Variants in SLC8A1 observed in about 807,000 individuals in gnomAD.
SLC8A1 encodes sodium/calcium exchanger 1.
Under a neutral mutation model 68.3 loss-of-function variants are expected in SLC8A1, and 18 were observed. That is an observed-to-expected ratio of 0.26 (90% confidence interval 0.18 to 0.39). The LOEUF (loss-of-function observed/expected upper bound fraction) is 0.39, where lower values mean the gene tolerates loss of function less well. Among genes scored for constraint, SLC8A1 ranks in the 10% least tolerant of loss-of-function variants. The probability of loss-of-function intolerance (pLI) is 1.00; values close to 1 mark genes in which losing one functional copy is unlikely to be tolerated. For missense variants in SLC8A1, 985 were observed against 1,156.7 expected, an observed-to-expected ratio of 0.85 and a Z score of 2.15; for synonymous variants, 475 against 415.5, an observed-to-expected ratio of 1.14 and a Z score of -1.74.
intron 2 of SLC8A1, among the ~76,000 whole-genome samples, chr2:40,412,767 C>T (rs531706165): frequency 6.1e-4 from 93 of 152,252 alleles, no homozygotes; most frequent in Middle Eastern, 3.4e-3. Context: ...TCATGATAAG[C>T]TCAACTAGGA....
intron 1 of SLC8A1, among the ~76,000 whole-genome samples, chr2:40,431,839 C>G (rs1323638662): frequency 6.6e-6 from 1 of 152,054 alleles, no homozygotes; most frequent in Non-Finnish European, 1.5e-5. Context: ...GCACCAGTGC[C>G]CAGGAGAACA....
At chr2:40,224,238 G>C (rs2058696428) in intron 2 of SLC8A1, among the ~76,000 whole-genome samples, 2 of 152,048 alleles carry the variant, frequency 1.3e-5, no homozygotes, top group African/African-American at 4.8e-5. Context: ...GTCTAGTATG[G>C]GTTGGCATCC....
intron 2 of SLC8A1, among the ~76,000 whole-genome samples, chr2:40,312,960 A>G (rs1224286252): frequency 6.6e-6 from 1 of 152,094 alleles, no homozygotes; most frequent in African/African-American, 2.4e-5. Flanking sequence ...ATACACACAT[A>G]TGTATATGTG....
intron 2 of SLC8A1, among the ~76,000 whole-genome samples, chr2:40,407,442 C>T (rs999313899): frequency 1.3e-5 from 2 of 152,212 alleles, no homozygotes; most frequent in African/African-American, 2.4e-5. Context: ...ACTTCCTTCA[C>T]TTCTTCAAAC....
At chr2:40,217,618 G>A (rs2057696788) in intron 2 of SLC8A1, among the ~76,000 whole-genome samples, 1 of 152,116 alleles carries the variant, frequency 6.6e-6, no homozygotes, top group Non-Finnish European at 1.5e-5. Flanking sequence ...GAGCTCAGAG[G>A]ATTCCTACTT....
chr2:40,485,830 C>G (rs1214446708), intron 1 of SLC8A1, among the ~76,000 whole-genome samples: 4 of 151,896 alleles, frequency 2.6e-5, no homozygotes, highest in Non-Finnish European at 5.9e-5. Context: ...TGGCAGTGCT[C>G]AAAAAATACT....
At chr2:40,277,794 G>GTGTATATA (rs907874659) in intron 2 of SLC8A1, among the ~76,000 whole-genome samples, 61 of 108,012 alleles carry the variant, frequency 5.6e-4, no homozygotes, top group African/African-American at 1.3e-3. Flanking sequence ...ATATATGTGT[G>GTGTATATA]TATATATATA....
At chr2:40,353,000 C>T (rs1187552314) in intron 2 of SLC8A1, among the ~76,000 whole-genome samples, 2 of 152,096 alleles carry the variant, frequency 1.3e-5, no homozygotes, top group Admixed American at 6.6e-5. Context: ...ACACCCCAGC[C>T]TTATTTTTAA....
chr2:40,137,705 C>G (rs1408285233), intron 7 of SLC8A1, among the ~76,000 whole-genome samples: 1 of 152,096 alleles, frequency 6.6e-6, no homozygotes, highest in African/African-American at 2.4e-5. Flanking sequence ...CAATATGGAA[C>G]TGCTGGAACG....
chr2:40,399,958 C>A (rs1177758724), intron 2 of SLC8A1, among the ~76,000 whole-genome samples: 1 of 152,184 alleles, frequency 6.6e-6, no homozygotes. Flanking sequence ...CTGACCTAAT[C>A]GGTTATTTTA....
At position 40,303,043 on chromosome 2, in the gene SLC8A1, T is replaced by C. The variant is rs1473469025; in HGVS notation, c.1809-125188A>G. ...CAATGAGACATTTTCAATTCTTCCT[T>C]TCTTGTAGACTGTAAGCACTAGCAA... is the stretch of plus-strand genomic sequence containing the variant. On this transcript the variant is annotated intron_variant, in intron 2 of 7. Coordinates refer to ENST00000406785, the Ensembl canonical transcript of SLC8A1. 3.9e-5 allele frequency among the ~76,000 whole-genome samples: 6 copies of C among 152,226 alleles called. No homozygotes were observed. The East Asian group carries it at 1.2e-3, about 29-fold the overall frequency.
At chr2:40,486,846 A>G (rs1211090458) in intron 1 of SLC8A1, among the ~76,000 whole-genome samples, 1 of 147,714 alleles carries the variant, frequency 6.8e-6, no homozygotes, top group Non-Finnish European at 1.5e-5. Context: ...TACATTAGGT[A>G]TATCTCCTAA....
chr2:40,418,022 C>T (rs1224395609), intron 2 of SLC8A1, among the ~76,000 whole-genome samples: 1 of 152,036 alleles, frequency 6.6e-6, no homozygotes, highest in African/African-American at 2.4e-5. Context: ...ACCAAATAAT[C>T]AAAACCAGGT....
chr2:40,127,923 G>A (rs1323279306), intron 7 of SLC8A1, among the ~76,000 whole-genome samples: 2 of 152,216 alleles, frequency 1.3e-5, no homozygotes, highest in Non-Finnish European at 2.9e-5. Flanking sequence ...AACGGAGTTA[G>A]TGTTTTTAGA....
At chr2:40,136,029 T>C (rs968528069) in intron 7 of SLC8A1, among the ~76,000 whole-genome samples, 5 of 152,156 alleles carry the variant, frequency 3.3e-5, no homozygotes, top group African/African-American at 9.6e-5. Flanking sequence ...CATTGGCATA[T>C]AGATGTCATT....
intron 2 of SLC8A1, among the ~76,000 whole-genome samples, chr2:40,236,150 A>G (rs2060337688): frequency 6.6e-6 from 1 of 151,984 alleles, no homozygotes; most frequent in African/African-American, 2.4e-5. Flanking sequence ...ATTCCTGGGT[A>G]TCCTTGTTGA....
chr2:40,228,759 T>G (rs531554952), intron 2 of SLC8A1, among the ~76,000 whole-genome samples: 155 of 152,276 alleles, frequency 1.0e-3, no homozygotes, highest in African/African-American at 3.6e-3. Flanking sequence ...TCCACCTGTT[T>G]TGATGCATAA....
At chr2:40,458,707 G>A (rs942626208) in intron 1 of SLC8A1, among the ~76,000 whole-genome samples, 2 of 152,092 alleles carry the variant, frequency 1.3e-5, no homozygotes, top group African/African-American at 4.8e-5. Context: ...TCAGGCTTGA[G>A]TTTGTAAACT....
exon 2 of SLC8A1, chr2:40,428,530 C>T (rs1373648894): frequency 1.9e-6 from 3 of 1,612,888 alleles, no homozygotes; most frequent in Non-Finnish European, 2.5e-6. Context: ...ATCCTCCCCT[C>T]CACCTCTGGC....
Sources: allele counts gnomAD v4.1 joint callset (sites outside exome capture counted in the v4.1 genomes callset), GRCh38; gene constraint gnomAD v4.1.1; transcripts MANE v1.5; gene names NCBI Gene and HGNC (gene_info 2026-07-23, HGNC 2026-07-21).